The following IL23R variants were observed in gnomAD, a reference collection of about 807,000 sequenced individuals.
IL23R encodes interleukin 23 receptor, also known as interleukin-23 receptor.
Under a neutral mutation model 56.9 loss-of-function variants are expected in IL23R, and 34 were observed. The observed-to-expected ratio is 0.60, with a 90% CI of 0.45 to 0.80. The LOEUF (loss-of-function observed/expected upper bound fraction) is 0.80, where lower values mean the gene tolerates loss of function less well. Among genes scored for constraint, IL23R ranks in the 30% least tolerant of loss-of-function variants. The pLI is 0.00. For synonymous variants in IL23R, 230 were observed against 249.2 expected, an observed-to-expected ratio of 0.92 and a Z score of 0.73; for missense variants, 635 against 730.0, an observed-to-expected ratio of 0.87 and a Z score of 1.50.
chr1:67,148,171 G>A (rs1223276937), intron 1 of IL23R, among the ~76,000 whole-genome samples: 3 of 152,276 alleles, frequency 2.0e-5, no homozygotes, highest in African/African-American at 7.2e-5. Flanking sequence ...GGTCAGAAAC[G>A]CAGTGTACAC....
chr1:67,142,549 A>G (rs574272074), intron 1 of IL23R, among the ~76,000 whole-genome samples: 38 of 152,132 alleles, frequency 2.5e-4, no homozygotes, highest in Non-Finnish European at 4.6e-4. Context: ...CAACACAGAA[A>G]TATATTTTTA....
At chr1:67,256,032 A>C (rs1244833392) in intron 10 of IL23R, 105 bp downstream of exon 10, 2 of 684,618 alleles carry the variant, frequency 2.9e-6, no homozygotes, top group African/African-American at 1.8e-5. Flanking sequence ...GTGCACACAT[A>C]TTAACATAAT....
intron 7 of IL23R, among the ~76,000 whole-genome samples, chr1:67,234,136 A>G (rs12131637): frequency 6.6e-6 from 1 of 152,272 alleles, no homozygotes; most frequent in African/African-American, 2.4e-5. Context: ...TCGCTTTTAC[A>G]GTCAAAGATG....
At position 67,177,693 on chromosome 1, in the gene IL23R, C is replaced by T. The variant is rs572019416; in HGVS notation, c.368-5143C>T. Reference sequence around the variant, plus strand: ...GTGTTTTCATCATGAAGTCTTTGCCCATGCCTATGTCCTGAATGGTATTAT... The same window carrying T: ...GTGTTTTCATCATGAAGTCTTTGCCTATGCCTATGTCCTGAATGGTATTAT... On this transcript the variant is annotated intron_variant, in intron 3 of 10. Coordinates refer to ENST00000347310, the MANE Select transcript of IL23R (RefSeq NM_144701.3). 3.5e-3 allele frequency among the ~76,000 whole-genome samples: 525 copies of T among 151,428 alleles called. 3 individuals carry two copies. Among genetic ancestry groups the T allele is most frequent in the South Asian group, 1.0e-2 (48 of 4,818 alleles).
At chr1:67,201,744 CCTCT>C (rs1434575353) in intron 5 of IL23R, among the ~76,000 whole-genome samples, 1 of 151,948 alleles carries the variant, frequency 6.6e-6, no homozygotes, top group African/African-American at 2.4e-5. Flanking sequence ...ATTATGTAGA[CCTCT>C]CTATGTTCAT....
chr1:67,201,862 T>C (rs1648664995), intron 5 of IL23R, among the ~76,000 whole-genome samples: 1 of 152,186 alleles, frequency 6.6e-6, no homozygotes, highest in Non-Finnish European at 1.5e-5. Context: ...ATTTAATCTA[T>C]AGTTTTATTT....
intron 3 of IL23R, among the ~76,000 whole-genome samples, chr1:67,180,319 T>A (rs879222580): frequency 6.6e-6 from 1 of 152,172 alleles, no homozygotes; most frequent in East Asian, 1.9e-4. Flanking sequence ...TGGGTGCATA[T>A]ATATTTAGGA....
chr1:67,217,519 C>T (rs1649926636), intron 6 of IL23R, among the ~76,000 whole-genome samples: 1 of 152,048 alleles, frequency 6.6e-6, no homozygotes, highest in South Asian at 2.1e-4. Flanking sequence ...AGACTAACAA[C>T]TTCCTTACAA....
chr1:67,139,517 C>T (rs1452102136), intron 1 of IL23R, among the ~76,000 whole-genome samples: 1 of 152,126 alleles, frequency 6.6e-6, no homozygotes, highest in African/African-American at 2.4e-5. Context: ...TTCTTCAGTC[C>T]TAGGCTTTTT....
chr1:67,166,373 A>G (rs1646874079), upstream of IL23R: 1 of 152,372 alleles, frequency 6.6e-6, no homozygotes, highest in Admixed American at 6.5e-5. Context: ...TTCCTCTTCA[A>G]GAGTCTGCAA....
chr1:67,209,358 G>C (rs1485454873), intron 6 of IL23R, among the ~76,000 whole-genome samples: 1 of 152,150 alleles, frequency 6.6e-6, no homozygotes, highest in African/African-American at 2.4e-5. Flanking sequence ...TGGTTTTGCT[G>C]TGCCCCCATC....
At chr1:67,142,677 T>C (rs1646648853) in intron 1 of IL23R, among the ~76,000 whole-genome samples, 1 of 152,228 alleles carries the variant, frequency 6.6e-6, no homozygotes, top group Admixed American at 6.5e-5. Context: ...GCGATTCTCC[T>C]GTCTCAGCCT....
chr1:67,188,965 C>T (rs1647549152), intron 4 of IL23R, among the ~76,000 whole-genome samples: 2 of 151,830 alleles, frequency 1.3e-5, no homozygotes, highest in South Asian at 4.2e-4. Context: ...ATATTATGGC[C>T]TAAGGGAAAC....
chr1:67,251,636 G>A (rs1004819188), intron 9 of IL23R, among the ~76,000 whole-genome samples: 3 of 152,058 alleles, frequency 2.0e-5, no homozygotes, highest in African/African-American at 7.2e-5. Context: ...TACCTCCCAG[G>A]TGCTCAGAGA....
chr1:67,179,798 C>T (rs879012838), intron 3 of IL23R, among the ~76,000 whole-genome samples: 7 of 152,182 alleles, frequency 4.6e-5, no homozygotes, highest in African/African-American at 1.7e-4. Context: ...AAATGTGTCC[C>T]AGAGATTCGG....
intron 1 of IL23R, among the ~76,000 whole-genome samples, chr1:67,152,345 G>A (rs1375291429): frequency 6.6e-6 from 1 of 152,210 alleles, no homozygotes; most frequent in Non-Finnish European, 1.5e-5. Flanking sequence ...ATCAGCTTAA[G>A]GAGTTTTTGG....
chr1:67,219,408 G>A, intron 6 of IL23R, 166 bp from the exon 7 acceptor site: 2 of 645,634 alleles, frequency 3.1e-6, no homozygotes, highest in Non-Finnish European at 5.4e-6. Context: ...GTATTTCAGA[G>A]ACAGTATTTG....
At chr1:67,147,209 T>A (rs1183771688) in intron 1 of IL23R, among the ~76,000 whole-genome samples, 1 of 152,112 alleles carries the variant, frequency 6.6e-6, no homozygotes, top group East Asian at 1.9e-4. Context: ...GCTGGTTCTG[T>A]CAAGTCTGAA....
rs1175564102 is a variant in IL23R, at chr1:67,228,006, CT to C, written c.955+8279del. Reference sequence around the variant, plus strand: ...TCTTTCTTTCTTTCTTTCTTTCTTTCTTTCTTTCTTTCTTCCTTTCTTTCTT... The same window carrying C: ...TCTTTCTTTCTTTCTTTCTTTCTTTCTTCTTTCTTTCTTCCTTTCTTTCTT... On this transcript the variant is annotated intron_variant, in intron 7 of 10. Coordinates refer to ENST00000347310, the MANE Select transcript of IL23R (RefSeq NM_144701.3). Among the ~76,000 whole-genome samples, 8 of 100,300 alleles carry C rather than the reference CT, an allele frequency of 8.0e-5. 1 individual carries two copies. In the South Asian group the frequency reaches 1.1e-3, roughly 13 times the overall value. 65.8% of individuals were successfully genotyped at this position (100,300 alleles called of 152,430 possible). A position where few individuals can be genotyped will look rare whatever the true frequency, so the allele number is the denominator to read the frequency against.
Sources: allele counts gnomAD v4.1 joint callset (sites outside exome capture counted in the v4.1 genomes callset), GRCh38; gene constraint gnomAD v4.1.1; transcripts MANE v1.5; gene names NCBI Gene and HGNC (gene_info 2026-07-23, HGNC 2026-07-21).